ADGRV1: variants seen among roughly 807,000 people sequenced by gnomAD.
ADGRV1 encodes the protein G-protein coupled receptor 98.
ADGRV1 carries 359 observed loss-of-function variants against 596.2 expected under a neutral mutation model. The ratio of observed to expected loss-of-function variants is 0.60; its 90% CI spans 0.55 to 0.66. The LOEUF (loss-of-function observed/expected upper bound fraction) is 0.66. Ranked by LOEUF, ADGRV1 falls within the 30% of genes least tolerant of loss-of-function variation. The probability of loss-of-function intolerance (pLI) is 0.00; values close to 1 mark genes in which losing one functional copy is unlikely to be tolerated. For synonymous variants in ADGRV1, 2,681 were observed against 2,679.2 expected, an observed-to-expected ratio of 1.00 and a Z score of -0.02; for missense variants, 7,274 against 7,575.6, an observed-to-expected ratio of 0.96 and a Z score of 1.48.
chr5:90,980,738 G>A (rs1257169472), intron 84 of ADGRV1, among the ~76,000 whole-genome samples: 1 of 152,066 alleles, frequency 6.6e-6, no homozygotes, highest in Admixed American at 6.6e-5. Context: ...GTTCCACATT[G>A]GATAAACGCA....
At chr5:91,009,725 A>T (rs969274586) in intron 85 of ADGRV1, among the ~76,000 whole-genome samples, 1 of 152,088 alleles carries the variant, frequency 6.6e-6, no homozygotes, top group South Asian at 2.1e-4. Context: ...TAGTCATGTC[A>T]TGAACCAAAG....
At chr5:91,031,840 G>C (rs1313878022) in intron 85 of ADGRV1, among the ~76,000 whole-genome samples, 2 of 151,996 alleles carry the variant, frequency 1.3e-5, no homozygotes, top group Admixed American at 1.3e-4. Flanking sequence ...AACTAATTGG[G>C]TTTCTTTTTA....
At chr5:91,058,734 TGCAG>T (rs1787131506) in intron 85 of ADGRV1, among the ~76,000 whole-genome samples, 1 of 152,166 alleles carries the variant, frequency 6.6e-6, no homozygotes, top group Admixed American at 6.6e-5. Flanking sequence ...ACACTGATTT[TGCAG>T]AAACACACAT....
chr5:90,681,599 A>G (rs1744938421), intron 27 of ADGRV1, 145 bp downstream of exon 27: 7 of 731,210 alleles, frequency 9.6e-6, no homozygotes, highest in Non-Finnish European at 1.5e-5. Context: ...CAAATTGGTG[A>G]TCAAACAGTC....
intron 83 of ADGRV1, among the ~76,000 whole-genome samples, chr5:90,938,093 T>C (rs1354208553): frequency 2.6e-5 from 4 of 152,212 alleles, no homozygotes; most frequent in Admixed American, 2.6e-4. Context: ...CCAACCTTAT[T>C]TTTTTAATCC....
Position 90,985,406 on chromosome 5 carries a change from G to C in ADGRV1, c.18036G>C (p.Leu6012=). 6.2e-7 allele frequency: 1 copy of C among 1,613,760 alleles called. No individual in the cohort carries two copies. Among genetic ancestry groups the C allele is most frequent in the Non-Finnish European group, 8.5e-7 (1 of 1,179,758 alleles). Residue 6012 remains leucine (L), a synonymous_variant, in exon 85 of 90, where the codon CTG becomes CTC. Coordinates refer to ENST00000405460, the MANE Select transcript of ADGRV1 (RefSeq NM_032119.4). The part of the protein sequence containing the change: ...NDEHTERRYL[L]FFLLSWGLPA... The stretch of plus-strand genomic sequence containing the variant: ...AGCACACAGAGAGGCGATATCTGCT[G>C]TTTTTCCTTCTGAGTTGGGGACTAC...
chr5:90,764,517 T>C (rs1756872890), intron 59 of ADGRV1, among the ~76,000 whole-genome samples: 3 of 152,338 alleles, frequency 2.0e-5, no homozygotes, highest in South Asian at 4.1e-4. Flanking sequence ...GAGTGGGAGA[T>C]GACTCCCTCT....
intron 50 of ADGRV1, among the ~76,000 whole-genome samples, chr5:90,732,989 A>G (rs886197511): frequency 3.3e-5 from 5 of 152,270 alleles, no homozygotes; most frequent in African/African-American, 4.8e-5. Flanking sequence ...AATGATGATC[A>G]AAGGCATGTT....
chr5:91,007,286 G>A (rs1180600369), intron 85 of ADGRV1, among the ~76,000 whole-genome samples: 1 of 152,156 alleles, frequency 6.6e-6, no homozygotes, highest in Non-Finnish European at 1.5e-5. Flanking sequence ...TTCATTACAA[G>A]AAAGACCACA....
chr5:90,902,368 A>C (rs1269261183), intron 83 of ADGRV1, among the ~76,000 whole-genome samples: 2 of 152,100 alleles, frequency 1.3e-5, no homozygotes, highest in Admixed American at 6.6e-5. Context: ...TCTCCTGATT[A>C]AGGAACCAAA....
intron 87 of ADGRV1, among the ~76,000 whole-genome samples, chr5:91,141,126 T>C (rs1795061768): frequency 1.3e-5 from 2 of 152,222 alleles, no homozygotes; most frequent in Non-Finnish European, 1.5e-5. Context: ...ATACTGGATA[T>C]TTATAATTTA....
At chr5:90,714,853 C>G (rs1045163070) in intron 42 of ADGRV1, among the ~76,000 whole-genome samples, 2 of 152,012 alleles carry the variant, frequency 1.3e-5, no homozygotes, top group African/African-American at 4.8e-5. Flanking sequence ...TTATCATAGC[C>G]TTGAAGTACA....
At chr5:91,109,346 T>A (rs1792165101) in intron 87 of ADGRV1, among the ~76,000 whole-genome samples, 1 of 152,212 alleles carries the variant, frequency 6.6e-6, no homozygotes, top group East Asian at 1.9e-4. Flanking sequence ...GTTTCCTAAT[T>A]CCAGTAGCTA....
intron 82 of ADGRV1, among the ~76,000 whole-genome samples, chr5:90,857,631 C>T (rs1344669049): frequency 6.6e-6 from 1 of 152,092 alleles, no homozygotes; most frequent in African/African-American, 2.4e-5. Context: ...TTATTTTATT[C>T]TCTCTGTCCA....
chr5:90,629,190 A>T lies in ADGRV1; in HGVS notation c.1510-20A>T. 1 of 1,421,908 alleles carries T rather than the reference A, an allele frequency of 7.0e-7. No individual in the cohort carries two copies. The highest frequency in any genetic ancestry group is 9.4e-7 in the Non-Finnish European group (1 of 1,060,700). The allele number at this position is 1,421,908 out of a possible 1,614,324, so 88.1% of individuals were successfully genotyped here. A position where few individuals can be genotyped will look rare whatever the true frequency, so the allele number is the denominator to read the frequency against. The stretch of plus-strand genomic sequence containing the variant: ...AGATGCGAGAATTCTGTACTTTAAT[A>T]TTTTATTCCTTTACTTCAGCTTTTG... On this transcript the variant is annotated intron_variant, in intron 8 of 89. Transcript: ENST00000405460.
chr5:90,907,965 C>T (rs1772477617), intron 83 of ADGRV1, among the ~76,000 whole-genome samples: 1 of 152,080 alleles, frequency 6.6e-6, no homozygotes, highest in Admixed American at 6.5e-5. Context: ...ATTATCCTGC[C>T]TCAGCCTCCT....
intron 1 of ADGRV1, among the ~76,000 whole-genome samples, chr5:90,566,804 A>AT (rs139209717): frequency 0.019 from 2,882 of 151,678 alleles, 96 homozygotes; most frequent in African/African-American, 0.067. Context: ...GATACGTTTT[A>AT]TTTTTTTTCT....
rs139278305 is a variant in ADGRV1, at chr5:90,694,707, C to T, written c.7945+6C>T. ...GATTCTGACCTTTGCTGAAGGTGAG[C>T]AATGGTTCTAAATGAATTTCCGTTG... On this transcript the variant is annotated splice_donor_region_variant and intron_variant, in intron 33 of 89. Coordinates refer to ENST00000405460, the MANE Select transcript of ADGRV1 (RefSeq NM_032119.4). The T allele has an allele frequency of 2.0e-3, 3,060 of 1,554,742 alleles. 55 individuals carry two copies. In the African/African-American group the frequency reaches 0.035, roughly 18 times the overall value.
At chr5:90,850,762 C>G (rs1236272267) in intron 79 of ADGRV1, 1 of 152,154 alleles carries the variant, frequency 6.6e-6, no homozygotes, top group Non-Finnish European at 1.5e-5. Context: ...AGTCCCATAT[C>G]TATGCCTTCA....
Sources: allele counts gnomAD v4.1 joint callset (sites outside exome capture counted in the v4.1 genomes callset), GRCh38; gene constraint gnomAD v4.1.1; transcripts MANE v1.5; gene names NCBI Gene and HGNC (gene_info 2026-07-23, HGNC 2026-07-21).